The following PRKAG2 variants were observed in gnomAD, a reference collection of about 807,000 sequenced individuals.
PRKAG2 encodes protein kinase AMP-activated non-catalytic subunit gamma 2, also known as 5'-AMP-activated protein kinase subunit gamma-2.
In PRKAG2, 26 loss-of-function variants were observed where a neutral mutation model predicts 69.6. The observed-to-expected ratio is 0.37, with a 90% CI of 0.27 to 0.52. The LOEUF (loss-of-function observed/expected upper bound fraction) is 0.52, where lower values mean the gene tolerates loss of function less well. Ranked by LOEUF, PRKAG2 falls within the 20% of genes least tolerant of loss-of-function variation. The pLI is 0.90. For missense variants in PRKAG2, 557 were observed against 740.0 expected, an observed-to-expected ratio of 0.75 and a Z score of 2.87; for synonymous variants, 293 against 285.0, an observed-to-expected ratio of 1.03 and a Z score of -0.28.
chr7:151,740,549 A>T (rs1477879758), intron 3 of PRKAG2, among the ~76,000 whole-genome samples: 1 of 152,188 alleles, frequency 6.6e-6, no homozygotes, highest in African/African-American at 2.4e-5. Context: ...TCCTGCTGGG[A>T]CTGACTGATA....
intron 1 of PRKAG2, among the ~76,000 whole-genome samples, chr7:151,823,940 C>A (rs1273292447): frequency 1.3e-5 from 2 of 152,226 alleles, no homozygotes; most frequent in Non-Finnish European, 2.9e-5. Context: ...GTAAGAACCA[C>A]TGATAGCACC....
chr7:151,644,270 TA>T (rs1258148274), intron 4 of PRKAG2, among the ~76,000 whole-genome samples: 2 of 152,174 alleles, frequency 1.3e-5, no homozygotes, highest in African/African-American at 2.4e-5. Context: ...AAATAAATGT[TA>T]AAGAGAAAAT....
chr7:151,764,478 G>A (rs1245087855), intron 3 of PRKAG2, among the ~76,000 whole-genome samples: 1 of 152,180 alleles, frequency 6.6e-6, no homozygotes, highest in African/African-American at 2.4e-5. Flanking sequence ...AGGGCCTAGG[G>A]ACCTGCTACC....
intron 1 of PRKAG2, among the ~76,000 whole-genome samples, chr7:151,830,817 G>A (rs894265641): frequency 4.0e-5 from 6 of 151,380 alleles, no homozygotes; most frequent in African/African-American, 9.7e-5. Context: ...AGGGAGGAGC[G>A]TGGTCCCTTC....
chr7:151,661,264 C>A (rs1398933688), intron 4 of PRKAG2, among the ~76,000 whole-genome samples: 1 of 152,182 alleles, frequency 6.6e-6, no homozygotes, highest in African/African-American at 2.4e-5. Context: ...TGGCTCACTG[C>A]AACTTCCGCC....
At chr7:151,595,255 G>A (rs1814189960) in intron 6 of PRKAG2, 90 bp downstream of exon 6, 19 of 907,774 alleles carry the variant, frequency 2.1e-5, no homozygotes, top group African/African-American at 6.6e-5. Context: ...CTCAATAAAC[G>A]TTTGCTGGCA....
chr7:151,849,006 G>A (rs1563751911), intron 1 of PRKAG2, among the ~76,000 whole-genome samples: 1 of 152,244 alleles, frequency 6.6e-6, no homozygotes, highest in South Asian at 2.1e-4. Flanking sequence ...GGCAGGCCCA[G>A]GACCTGGGTA....
chr7:151,703,936 C>T (rs1270490559), intron 3 of PRKAG2, among the ~76,000 whole-genome samples: 1 of 147,710 alleles, frequency 6.8e-6, no homozygotes, highest in Non-Finnish European at 1.5e-5. Context: ...GTGGCAGGTG[C>T]CTGTAATCCC....
At chr7:151,841,645 AGGTAGTGATGAT>A (rs533053300) in intron 1 of PRKAG2, among the ~76,000 whole-genome samples, 3,357 of 128,882 alleles carry the variant, frequency 0.026, 64 homozygotes, top group African/African-American at 0.036. Flanking sequence ...TAGTGATGGT[AGGTAGTGATGAT>A]GGTAGTGATG....
At chr7:151,653,891 G>GC (rs1828973485) in intron 4 of PRKAG2, among the ~76,000 whole-genome samples, 1 of 152,088 alleles carries the variant, frequency 6.6e-6, no homozygotes, top group Non-Finnish European at 1.5e-5. Context: ...CTGCAGATAA[G>GC]CCCAATCCTT....
At position 151,615,256 on chromosome 7, in the gene PRKAG2, T is replaced by A. The variant is rs536956600; in HGVS notation, c.754+16813A>T. Among the ~76,000 whole-genome samples the A allele has an allele frequency of 1.2e-4, 19 of 152,364 alleles. No homozygotes were observed. In the South Asian group the frequency reaches 3.7e-3, roughly 30 times the overall value. On this transcript the variant is annotated intron_variant, in intron 5 of 15. Transcript: ENST00000287878. ...TATTCCATGGTGTATATGTACCACA[T>A]TTTCTTTATCCAATCCACCACTGAT...
chr7:151,800,294 C>G (rs2077768314), intron 1 of PRKAG2, among the ~76,000 whole-genome samples: 1 of 148,978 alleles, frequency 6.7e-6, no homozygotes, highest in Non-Finnish European at 1.5e-5. Context: ...GGAGGCGGAG[C>G]TTGCAGTGAG....
intron 4 of PRKAG2, among the ~76,000 whole-genome samples, chr7:151,641,517 G>T (rs1267815797): frequency 6.6e-6 from 1 of 151,944 alleles, no homozygotes; most frequent in African/African-American, 2.4e-5. Flanking sequence ...CAAAGTGCTG[G>T]GATGACAGGC....
chr7:151,646,733 C>T (rs1036303465), intron 4 of PRKAG2, among the ~76,000 whole-genome samples: 1 of 152,154 alleles, frequency 6.6e-6, no homozygotes, highest in Non-Finnish European at 1.5e-5. Flanking sequence ...TATTCCTTGG[C>T]TCATACATAT....
chr7:151,843,187 G>A (rs1392379796), intron 1 of PRKAG2, among the ~76,000 whole-genome samples: 2 of 152,078 alleles, frequency 1.3e-5, no homozygotes, highest in Non-Finnish European at 2.9e-5. Context: ...ACACACAGAC[G>A]TGCAGCATAT....
chr7:151,812,958 A>G (rs966353996), intron 1 of PRKAG2, among the ~76,000 whole-genome samples: 2 of 150,676 alleles, frequency 1.3e-5, no homozygotes, highest in African/African-American at 4.9e-5. Flanking sequence ...CCACACACAC[A>G]CACCTGAGAT....
Position 151,614,460 on chromosome 7 carries a change from G to C in PRKAG2, c.754+17609C>G, listed in dbSNP as rs748853888. Among the ~76,000 whole-genome samples the C allele has an allele frequency of 1.3e-5, 2 of 152,136 alleles. No individual in the cohort carries two copies. Among genetic ancestry groups the C allele is most frequent in the African/African-American group, 4.8e-5 (2 of 41,422 alleles). ...CTGAAAAAATCAGGGCTGCGTGGAC[G>C]CTCAGTCAGAGGAGAAAAGAGGCAG... On this transcript the variant is annotated intron_variant, in intron 5 of 15. Coordinates refer to ENST00000287878, the MANE Select transcript of PRKAG2 (RefSeq NM_016203.4). The surrounding 1 kb of genome is among the most constrained non-coding windows in gnomAD (Gnocchi z 4.4).
In PRKAG2 at chr7:151,864,695, T is replaced by G. The variant is rs189343965; in HGVS notation, c.114+11812A>C. Reference sequence around the variant, plus strand: ...CTGGCAGCTCCCCAGGGGTGAAATATCTCCTCGGACACTCACTCATCTTCA... The same window carrying G: ...CTGGCAGCTCCCCAGGGGTGAAATAGCTCCTCGGACACTCACTCATCTTCA... On this transcript the variant is annotated intron_variant, in intron 1 of 15. Transcript: ENST00000287878. 3.9e-5 allele frequency among the ~76,000 whole-genome samples: 6 copies of G among 152,224 alleles called. No individual in the cohort carries two copies. In the East Asian group the frequency reaches 1.2e-3, roughly 29 times the overall value.
At chr7:151,572,638 G>T (rs553132265) in intron 9 of PRKAG2, 26 bp downstream of exon 9, 1 of 1,561,310 alleles carries the variant, frequency 6.4e-7, no homozygotes, top group East Asian at 2.2e-5. Flanking sequence ...GATACTAAAA[G>T]ATTTTAAACA....
Sources: gnomAD v4.1 joint callset for allele counts (sites outside exome capture counted in the v4.1 genomes callset) on GRCh38, gnomAD v4.1.1 for gene constraint, Gnocchi (gnomAD v3.1) non-coding constraint, MANE v1.5 for transcripts, NCBI Gene and HGNC (gene_info 2026-07-23, HGNC 2026-07-21) for gene names.